The following VAV3 variants were observed in gnomAD, a reference collection of about 807,000 sequenced individuals.
VAV3 encodes the protein guanine nucleotide exchange factor VAV3.
In VAV3, 94 loss-of-function variants were observed where a neutral mutation model predicts 131.2. The observed-to-expected ratio is 0.72, with a 90% CI of 0.61 to 0.85. The LOEUF is 0.85. Among genes scored for constraint, VAV3 ranks in the 40% least tolerant of loss-of-function variants. VAV3 has a pLI of 0.00. For missense variants in VAV3, 939 were observed against 1,002.7 expected (o/e 0.94, Z 0.86); for synonymous variants, 349 against 342.0 (o/e 1.02, Z -0.22).
intron 15 of VAV3, among the ~76,000 whole-genome samples, chr1:107,709,286 T>A (rs1660635010): frequency 6.6e-6 from 1 of 152,138 alleles, no homozygotes; most frequent in African/African-American, 2.4e-5. Flanking sequence ...ACCAGGAAAA[T>A]TAATGCTAGA....
intron 19 of VAV3, among the ~76,000 whole-genome samples, chr1:107,674,638 CCCA>C (rs1236889297): frequency 2.0e-4 from 31 of 152,248 alleles, no homozygotes; most frequent in African/African-American, 7.0e-4. Context: ...AAGTTTGGCA[CCCA>C]CCAAGTGCTG....
At chr1:107,852,550 GATTT>G (rs758106112) in intron 2 of VAV3, among the ~76,000 whole-genome samples, 1 of 152,042 alleles carries the variant, frequency 6.6e-6, no homozygotes, top group South Asian at 2.1e-4. Context: ...TAATTGTGAG[GATTT>G]ATTTCATTCC....
chr1:107,596,876 T>C (rs1651437533), intron 24 of VAV3, among the ~76,000 whole-genome samples: 1 of 152,224 alleles, frequency 6.6e-6, no homozygotes, highest in Non-Finnish European at 1.5e-5. Flanking sequence ...GTACCTGTCA[T>C]AGCTCCGCAT....
chr1:107,724,638 C>A (rs553487508), intron 15 of VAV3, among the ~76,000 whole-genome samples: 4 of 151,896 alleles, frequency 2.6e-5, no homozygotes, highest in African/African-American at 9.7e-5. Flanking sequence ...GGGGGTGGCA[C>A]AGGAAAAGGG....
chr1:107,818,991 A>G (rs1667677576), intron 2 of VAV3, among the ~76,000 whole-genome samples: 1 of 152,242 alleles, frequency 6.6e-6, no homozygotes, highest in South Asian at 2.1e-4. Context: ...AAAAGAAAAA[A>G]GTATCAATTT....
At chr1:107,847,395 T>C (rs766130713) in intron 2 of VAV3, among the ~76,000 whole-genome samples, 7 of 151,968 alleles carry the variant, frequency 4.6e-5, no homozygotes, top group Non-Finnish European at 8.8e-5. Flanking sequence ...ATTCAAAAGC[T>C]AGCAGAAGGC....
chr1:107,655,810 C>CA (rs925015820), intron 19 of VAV3, among the ~76,000 whole-genome samples: 1 of 151,866 alleles, frequency 6.6e-6, no homozygotes, highest in African/African-American at 2.4e-5. Context: ...AGACATTTCT[C>CA]AAAAAAGACA....
rs533246543 is a variant in VAV3, at chr1:107,923,180, CTG to C, written c.204+41484_204+41485del. Among the ~76,000 whole-genome samples the C allele has an allele frequency of 4.5e-3, 686 of 152,182 alleles. 5 individuals are homozygous for C. Among genetic ancestry groups the C allele is most frequent in the Non-Finnish European group, 7.0e-3 (475 of 68,004 alleles). Reference sequence around the variant, plus strand: ...ATAAGTTAAATTGCCTTTTCTAAAACTGTATATAAATGGACTCATATGGTATA... The same window carrying C: ...ATAAGTTAAATTGCCTTTTCTAAAACTATATAAATGGACTCATATGGTATA... On this transcript the variant is annotated intron_variant, in intron 1 of 26. Coordinates refer to ENST00000370056, the MANE Select transcript of VAV3 (RefSeq NM_006113.5).
chr1:107,772,910 CTACTGGATTTTAG>C, intron 4 of VAV3, 67 bp from the exon 5 acceptor site: 1 of 1,332,044 alleles, frequency 7.5e-7, no homozygotes, highest in Non-Finnish European at 1.0e-6. Context: ...TACAAATAGC[CTACTGGATTTTAG>C]TAAAAAATCC....
chr1:107,702,480 C>T (rs184449875), intron 17 of VAV3, among the ~76,000 whole-genome samples: 1 of 152,096 alleles, frequency 6.6e-6, no homozygotes, highest in Non-Finnish European at 1.5e-5. Context: ...AATTGTGAAG[C>T]TAGGATTCAA....
At chr1:107,882,150 T>C (rs1008888529) in intron 1 of VAV3, among the ~76,000 whole-genome samples, 1 of 152,164 alleles carries the variant, frequency 6.6e-6, no homozygotes, top group Non-Finnish European at 1.5e-5. Context: ...AGATGAGTTA[T>C]TTCAGTCCCA....
intron 10 of VAV3, among the ~76,000 whole-genome samples, chr1:107,758,129 A>C (rs899994687): frequency 6.6e-6 from 1 of 152,166 alleles, no homozygotes; most frequent in Non-Finnish European, 1.5e-5. Context: ...CATCAGTGTC[A>C]TCACTTAAGC....
intron 15 of VAV3, among the ~76,000 whole-genome samples, chr1:107,710,934 TAAAG>T (rs1399679030): frequency 2.0e-5 from 3 of 152,074 alleles, no homozygotes; most frequent in Non-Finnish European, 4.4e-5. Flanking sequence ...CTTACTATGA[TAAAG>T]AATATCAAAC....
chr1:107,918,241 A>C (rs1353146176), intron 1 of VAV3, among the ~76,000 whole-genome samples: 1 of 152,202 alleles, frequency 6.6e-6, no homozygotes, highest in Non-Finnish European at 1.5e-5. Context: ...GCTGGAAATG[A>C]AAATATTACA....
At chr1:107,802,631 G>A (rs534680036) in intron 2 of VAV3, among the ~76,000 whole-genome samples, 2 of 152,092 alleles carry the variant, frequency 1.3e-5, no homozygotes, top group East Asian at 3.9e-4. Context: ...TAGGTAAAGA[G>A]GATACATTAC....
rs116572117 is a variant in VAV3 at position 107,578,062 on chromosome 1, T to G, written c.2351-3864A>C. 2.7e-3 allele frequency among the ~76,000 whole-genome samples: 406 copies of G among 152,276 alleles called. 3 individuals are homozygous for G. The highest frequency in any genetic ancestry group is 8.9e-3 in the African/African-American group (368 of 41,554). On this transcript the variant is annotated intron_variant, in intron 25 of 26. Coordinates refer to ENST00000370056, the MANE Select transcript of VAV3 (RefSeq NM_006113.5). ...TACTCTTGTCATGAAAGGGTCCTAGTGATATTTGTGGATAGCAGTGACTTA... is the reference window on the plus strand; with the variant it reads ...TACTCTTGTCATGAAAGGGTCCTAGGGATATTTGTGGATAGCAGTGACTTA...
intron 25 of VAV3, among the ~76,000 whole-genome samples, chr1:107,594,210 A>G (rs367591543): frequency 6.6e-6 from 1 of 152,200 alleles, no homozygotes; most frequent in African/African-American, 2.4e-5. Context: ...TCTATATAAA[A>G]ATATGAAACT....
rs866124999 is a variant in VAV3 at position 107,808,188 on chromosome 1, A to T, written c.322-28696T>A. On this transcript the variant is annotated intron_variant, in intron 2 of 26. Coordinates refer to ENST00000370056, the MANE Select transcript of VAV3 (RefSeq NM_006113.5). ...TAACACTAACATTTCCATCTTTAGT[A>T]GAAATACGGGATACATATGGGCTAA... is the stretch of plus-strand genomic sequence containing the variant. 3.9e-5 allele frequency among the ~76,000 whole-genome samples: 6 copies of T among 152,332 alleles called. No homozygotes were observed. In the South Asian group the frequency reaches 8.3e-4, roughly 21 times the overall value.
chr1:107,592,281 C>T (rs1651029387), intron 25 of VAV3, among the ~76,000 whole-genome samples: 1 of 152,056 alleles, frequency 6.6e-6, no homozygotes, highest in Non-Finnish European at 1.5e-5. Context: ...TGATTAGATT[C>T]CACTTATGCT....
Sources: gnomAD v4.1 joint callset for allele counts (sites outside exome capture counted in the v4.1 genomes callset) on GRCh38, gnomAD v4.1.1 for gene constraint, MANE v1.5 for transcripts, NCBI Gene and HGNC (gene_info 2026-07-23, HGNC 2026-07-21) for gene names.